The following CACNA1S variants were observed in gnomAD, a reference collection of about 807,000 sequenced individuals.
The protein encoded by CACNA1S is voltage-dependent L-type calcium channel subunit alpha-1S.
In CACNA1S, 126 loss-of-function variants were observed where a neutral mutation model predicts 207.4. The observed-to-expected ratio is 0.61, with a 90% CI of 0.53 to 0.70. The LOEUF is 0.70. Among genes scored for constraint, CACNA1S ranks in the 30% least tolerant of loss-of-function variants. CACNA1S has a pLI of 0.00. For synonymous variants in CACNA1S, 960 were observed against 932.7 expected (o/e 1.03, Z -0.53); for missense variants, 2,349 against 2,422.8 (o/e 0.97, Z 0.64).
intron 39 of CACNA1S, 116 bp downstream of exon 39, chr1:201,044,212 G>C: frequency 7.7e-7 from 1 of 1,301,778 alleles, no homozygotes; most frequent in Non-Finnish European, 1.1e-6. Context: ...ACGGAGTGGG[G>C]TATCTTCAGC....
At chr1:201,055,881 C>T (rs1024407919) in intron 28 of CACNA1S, among the ~76,000 whole-genome samples, 1 of 152,198 alleles carries the variant, frequency 6.6e-6, no homozygotes, top group African/African-American at 2.4e-5. Context: ...CTACACAGAC[C>T]TCAGATTTTA....
intron 2 of CACNA1S, among the ~76,000 whole-genome samples, chr1:201,104,765 C>T (rs535220831): frequency 1.3e-5 from 2 of 152,338 alleles, no homozygotes; most frequent in East Asian, 3.9e-4. Context: ...GTCTGCCCAA[C>T]AATTAGGAAG....
At chr1:201,088,694 G>A (rs893257781) in intron 6 of CACNA1S, among the ~76,000 whole-genome samples, 1 of 152,124 alleles carries the variant, frequency 6.6e-6, no homozygotes, top group Non-Finnish European at 1.5e-5. Context: ...TTCCATCATT[G>A]AAGGATGAAA....
At chr1:201,069,867 G>A (rs1223284563) in intron 17 of CACNA1S, among the ~76,000 whole-genome samples, 1 of 152,134 alleles carries the variant, frequency 6.6e-6, no homozygotes, top group African/African-American at 2.4e-5. Flanking sequence ...ACCACCCTGA[G>A]GTTTCCCATC....
At chr1:201,043,249 C>T (rs373792333) in intron 40 of CACNA1S, 32 bp downstream of exon 40, 2 of 1,613,800 alleles carry the variant, frequency 1.2e-6, no homozygotes, top group Non-Finnish European at 8.5e-7. Flanking sequence ...CCCAGTACCT[C>T]TACACCCAGG....
At chr1:201,100,371 G>A (rs555048014) in intron 2 of CACNA1S, among the ~76,000 whole-genome samples, 15 of 152,346 alleles carry the variant, frequency 9.8e-5, no homozygotes, top group Non-Finnish European at 1.3e-4. Context: ...CTATGGCCAC[G>A]CCGCACACTG....
chr1:201,054,625 G>T, intron 28 of CACNA1S, 64 bp from the exon 29 acceptor site: 2 of 1,388,830 alleles, frequency 1.4e-6, no homozygotes, highest in Non-Finnish European at 2.0e-6. Flanking sequence ...ACATGTGGGA[G>T]GGAGGTGAAG....
rs566295843 is a variant in CACNA1S, at chr1:201,107,428, T to C, written c.258+2736A>G. On this transcript the variant is annotated intron_variant, in intron 2 of 43. Transcript: ENST00000362061. The stretch of plus-strand genomic sequence containing the variant: ...TTTCCCATTTCATTTTAACTACCTG[T>C]TTAATTGGTTTTATTATATTTACTT... Among the ~76,000 whole-genome samples, 94 of 152,350 alleles carry C rather than the reference T, an allele frequency of 6.2e-4. 1 individual carries two copies. The highest frequency in any genetic ancestry group is 6.8e-3 in the Middle Eastern group (2 of 294).
intron 2 of CACNA1S, among the ~76,000 whole-genome samples, chr1:201,107,300 G>A (rs1448420038): frequency 1.3e-5 from 2 of 152,232 alleles, no homozygotes; most frequent in Non-Finnish European, 2.9e-5. Context: ...TCAACCTTTA[G>A]GTCTCAGGTT....
intron 16 of CACNA1S, 31 bp from the exon 17 acceptor site, chr1:201,070,435 T>C: frequency 1.9e-6 from 3 of 1,612,808 alleles, no homozygotes; most frequent in Non-Finnish European, 1.7e-6. Context: ...ATTAGGGGTG[T>C]CTTCCCATGC....
Position 201,072,796 on chromosome 1 carries a change from A to G in CACNA1S, c.2186T>C (p.Val729Ala). The change falls in exon 16 of 44, where the codon GTC becomes GCC. Residue 729 changes from valine to alanine, a missense_variant. Physicochemically the swap from Val to Ala is moderately conservative, Grantham distance 64 (BLOSUM62 0). Transcript: ENST00000362061. ...GGGGTAGGGATCCTTCACCTCATTG[A>G]CATTAGATTCAAACTCATCGATTTT... ...KLKIDEFESN[V>A]NEVKDPYPSA... 6.2e-7 allele frequency: 1 copy of G among 1,613,948 alleles called. No individual in the cohort carries two copies.
chr1:201,094,069 C>T (rs1476331939), intron 2 of CACNA1S, 48 bp from the exon 3 acceptor site: 7 of 1,612,082 alleles, frequency 4.3e-6, no homozygotes, highest in Non-Finnish European at 5.9e-6. Context: ...TCTCTGAGTG[C>T]ACCCTTGCTC....
intron 2 of CACNA1S, among the ~76,000 whole-genome samples, chr1:201,100,224 T>C (rs569303822): frequency 6.6e-6 from 1 of 152,380 alleles, no homozygotes; most frequent in South Asian, 2.1e-4. Flanking sequence ...TTGCTCCGGC[T>C]GTGCTGTTTT....
At chr1:201,078,284 C>T (rs940163942) in intron 10 of CACNA1S, among the ~76,000 whole-genome samples, 180 bp from the exon 11 acceptor site, 7 of 152,066 alleles carry the variant, frequency 4.6e-5, no homozygotes, top group Non-Finnish European at 1.0e-4. Flanking sequence ...TGAAGTGGCA[C>T]AATTATGGCA....
intron 19 of CACNA1S, among the ~76,000 whole-genome samples, chr1:201,067,612 C>T (rs935836653): frequency 5.3e-5 from 8 of 152,204 alleles, no homozygotes. Flanking sequence ...AGACTCGGCA[C>T]CCAGGCCTCC....
chr1:201,090,222 A>G (rs1385064471), intron 5 of CACNA1S, among the ~76,000 whole-genome samples: 1 of 152,226 alleles, frequency 6.6e-6, no homozygotes, highest in Non-Finnish European at 1.5e-5. Context: ...CCATGAAGTC[A>G]GAAGCCCCGA....
intron 2 of CACNA1S, among the ~76,000 whole-genome samples, chr1:201,099,985 C>T (rs1314310124): frequency 6.6e-6 from 1 of 152,086 alleles, no homozygotes; most frequent in Non-Finnish European, 1.5e-5. Flanking sequence ...GACCCAGCCT[C>T]GATTCCTGCC....
chr1:201,048,604 CGTGCGGACCAGGGCAAAGA>C lies in CACNA1S; in HGVS notation c.4400_4418del (p.Leu1467ArgfsTer18). The C allele has an allele frequency of 1.2e-6, 2 of 1,613,918 alleles. No homozygotes were observed. The highest frequency in any genetic ancestry group is 1.7e-6 in the Non-Finnish European group (2 of 1,179,926). On this transcript the variant is annotated frameshift_variant, in exon 36 of 44. Coordinates refer to ENST00000362061, the MANE Select transcript of CACNA1S (RefSeq NM_000069.3). LOFTEE classifies it high-confidence loss of function. Reference sequence around the variant, plus strand: ...CACCTTCCGTCTTGATCTTGAGTGCCGTGCGGACCAGGGCAAAGAGTGTGGCATTGAAGGTGACTGTGCC... The same window carrying C: ...CACCTTCCGTCTTGATCTTGAGTGCCGTGTGGCATTGAAGGTGACTGTGCC...
chr1:201,063,333 A>G (rs1193058667), intron 22 of CACNA1S, among the ~76,000 whole-genome samples: 1 of 149,860 alleles, frequency 6.7e-6, no homozygotes, highest in East Asian at 2.0e-4. Flanking sequence ...TCTGTCGCTT[A>G]GGCAAGAGTA....
Sources: gnomAD v4.1 joint callset for allele counts (sites outside exome capture counted in the v4.1 genomes callset) on GRCh38, gnomAD v4.1.1 for gene constraint, MANE v1.5 for transcripts, NCBI Gene and HGNC (gene_info 2026-07-23, HGNC 2026-07-21) for gene names.